The following GALNT18 variants were observed in gnomAD, a reference collection of about 807,000 sequenced individuals.
GALNT18 encodes GalNAc-transferase 18.
GALNT18 carries 44 observed loss-of-function variants against 69.5 expected under a neutral mutation model. That is an observed-to-expected ratio of 0.63 (90% CI 0.50 to 0.81). GALNT18 has a LOEUF of 0.81. Ranked by LOEUF, GALNT18 falls within the 40% of genes least tolerant of loss-of-function variation. The probability of loss-of-function intolerance (pLI) is 0.00; values close to 1 mark genes in which losing one functional copy is unlikely to be tolerated. For synonymous variants in GALNT18, 364 were observed against 318.2 expected, an observed-to-expected ratio of 1.14 and a Z score of -1.53; for missense variants, 715 against 810.0, an observed-to-expected ratio of 0.88 and a Z score of 1.42.
At chr11:11,367,715 A>G (rs1850803755) in intron 6 of GALNT18, among the ~76,000 whole-genome samples, 2 of 152,242 alleles carry the variant, frequency 1.3e-5, no homozygotes, top group South Asian at 4.1e-4. Flanking sequence ...AATTTAAAGC[A>G]TAATAAATAG....
In GALNT18 at chr11:11,421,923, C is replaced by T. The variant is rs937858904; in HGVS notation, c.595+10698G>A. Among the ~76,000 whole-genome samples, 6 of 152,238 alleles carry T rather than the reference C, an allele frequency of 3.9e-5. No individual in the cohort carries two copies. The highest frequency in any genetic ancestry group is 7.3e-5 in the Non-Finnish European group (5 of 68,038). On this transcript the variant is annotated intron_variant, in intron 3 of 10. Coordinates refer to ENST00000227756, the MANE Select transcript of GALNT18 (RefSeq NM_198516.3). The surrounding 1 kb of genome is among the most constrained non-coding windows in gnomAD (Gnocchi z 5.6). ...AGCACAGACTTTATTTTAGCCCCTACGTGCCCCTGGCCTGGGTGCCCTGGC... is the reference window on the plus strand; with the variant it reads ...AGCACAGACTTTATTTTAGCCCCTATGTGCCCCTGGCCTGGGTGCCCTGGC...
chr11:11,617,532 A>G lies in GALNT18; in HGVS notation c.235+3827T>C, dbSNP rs1227507179. ...TGAACAAAGCAGAATATAAAATTAC[A>G]TGTAAATCATGACTACACCTTCATT... On this transcript the variant is annotated intron_variant, in intron 1 of 10. Coordinates refer to ENST00000227756, the MANE Select transcript of GALNT18 (RefSeq NM_198516.3). The surrounding 1 kb of genome is among the most constrained non-coding windows in gnomAD (Gnocchi z 4.7). 6.6e-6 allele frequency among the ~76,000 whole-genome samples: 1 copy of G among 152,256 alleles called. No individual in the cohort carries two copies. The highest frequency in any genetic ancestry group is 1.5e-5 in the Non-Finnish European group (1 of 68,042).
chr11:11,444,686 A>T lies in GALNT18; in HGVS notation c.428+4058T>A, dbSNP rs1337829228. Among the ~76,000 whole-genome samples the T allele has an allele frequency of 6.6e-6, 1 of 152,174 alleles. No homozygotes were observed. Among genetic ancestry groups the T allele is most frequent in the African/African-American group, 2.4e-5 (1 of 41,450 alleles). ...GGAGACAAAGTAAGTGACTAGCTAG[A>T]GGTGAGAGAAAGGAGGGTGGGCAGG... On this transcript the variant is annotated intron_variant, in intron 2 of 10. Transcript: ENST00000227756. The surrounding 1 kb of genome is among the most constrained non-coding windows in gnomAD (Gnocchi z 4.4).
intron 1 of GALNT18, among the ~76,000 whole-genome samples, chr11:11,514,561 C>T (rs566677258): frequency 7.9e-5 from 12 of 152,328 alleles, no homozygotes; most frequent in East Asian, 7.7e-4. Context: ...TGTCACCCAT[C>T]GGATTGCAGC....
rs944890433 is a variant in GALNT18 at position 11,309,267 on chromosome 11, T to C, written c.1513-16074A>G. ...TTGGCCTTCCCAGCTTCCATAGCCA[T>C]GAGCTGATGAATTTCTCTTCATTAT... On this transcript the variant is annotated intron_variant, in intron 9 of 10. Coordinates refer to ENST00000227756, the MANE Select transcript of GALNT18 (RefSeq NM_198516.3). The surrounding 1 kb of genome is among the most constrained non-coding windows in gnomAD (Gnocchi z 4.6). Among the ~76,000 whole-genome samples the C allele has an allele frequency of 6.6e-6, 1 of 152,180 alleles. No individual in the cohort carries two copies. The highest frequency in any genetic ancestry group is 2.4e-5 in the African/African-American group (1 of 41,460).
At chr11:11,329,063 C>G (rs1208350596) in intron 8 of GALNT18, among the ~76,000 whole-genome samples, 1 of 150,948 alleles carries the variant, frequency 6.6e-6, no homozygotes, top group Middle Eastern at 3.4e-3. Flanking sequence ...AAACCTGGCT[C>G]CAGCTGAGGG....
chr11:11,385,463 T>G (rs1043556751), intron 3 of GALNT18, among the ~76,000 whole-genome samples: 4 of 151,956 alleles, frequency 2.6e-5, no homozygotes, highest in Non-Finnish European at 5.9e-5. Flanking sequence ...ATCCGGCTAA[T>G]TTTTTGTATT....
chr11:11,332,769 G>A lies in GALNT18; in HGVS notation c.1341C>T (p.Cys447=). The A allele has an allele frequency of 6.2e-7, 1 of 1,614,060 alleles. No individual in the cohort carries two copies. The highest frequency in any genetic ancestry group is 8.5e-7 in the Non-Finnish European group (1 of 1,179,966). The change falls in exon 8 of 11, where the codon TGC becomes TGT. Residue 447 remains cysteine, a synonymous_variant. Coordinates refer to ENST00000227756, the MANE Select transcript of GALNT18 (RefSeq NM_198516.3). The surrounding 1 kb of genome is among the most constrained non-coding windows in gnomAD (Gnocchi z 4.3). The part of the protein sequence containing the change: ...ARKALRKQLQ[C]KTFRWYLVSV... ...TGACCAGGTACCACCGGAAGGTCTT[G>A]CACTGCAGCTGTTTCCTGAGAGCCT...
In GALNT18 at chr11:11,379,219, C is replaced by A; in HGVS notation, c.641G>T (p.Ser214Ile). The A allele has an allele frequency of 6.2e-7, 1 of 1,613,236 alleles. No individual in the cohort carries two copies. Among genetic ancestry groups the A allele is most frequent in the Non-Finnish European group, 8.5e-7 (1 of 1,179,984 alleles). Residue 214 changes from serine (S) to isoleucine (I), a missense_variant, in exon 4 of 11, where the codon AGC becomes ATC. Coordinates refer to ENST00000227756, the MANE Select transcript of GALNT18 (RefSeq NM_198516.3). ...KLTEYVDKVN[S>I]QKPGFIKVVR... Reference sequence around the variant, plus strand: ...GACTTTGATGAAGCCTGGCTTCTGGCTGTTCACCTTGTCCACATATTCGGT... The same window carrying A: ...GACTTTGATGAAGCCTGGCTTCTGGATGTTCACCTTGTCCACATATTCGGT...
intron 1 of GALNT18, among the ~76,000 whole-genome samples, chr11:11,513,873 C>T (rs982640764): frequency 6.6e-6 from 1 of 152,134 alleles, no homozygotes; most frequent in African/African-American, 2.4e-5. Context: ...TAGGCAGCTA[C>T]AGGGAACTCA....
intron 6 of GALNT18, among the ~76,000 whole-genome samples, chr11:11,350,271 CT>C (rs1850376010): frequency 6.6e-6 from 1 of 152,232 alleles, no homozygotes; most frequent in Non-Finnish European, 1.5e-5. Context: ...GGGGGCCTGG[CT>C]TTTCCTTGGA....
At position 11,620,142 on chromosome 11, in the gene GALNT18, G is replaced by A. The variant is rs919387416; in HGVS notation, c.235+1217C>T. Among the ~76,000 whole-genome samples the A allele has an allele frequency of 2.0e-5, 3 of 151,218 alleles. No individual in the cohort carries two copies. ...AAAAGGGAGTGCTCCTGGCGGGGGG[G>A]TGGGGGGTAAGCCTTCAGTTCAATT... On this transcript the variant is annotated intron_variant, in intron 1 of 10. Coordinates refer to ENST00000227756, the MANE Select transcript of GALNT18 (RefSeq NM_198516.3). This position sits in a 1 kb window ranked among gnomAD's most constrained non-coding sequence, Gnocchi z 6.9.
At chr11:11,498,769 A>G (rs1856917588) in intron 1 of GALNT18, among the ~76,000 whole-genome samples, 1 of 152,238 alleles carries the variant, frequency 6.6e-6, no homozygotes, top group Non-Finnish European at 1.5e-5. Flanking sequence ...ACTGCACTCC[A>G]GCCTGGGCAA....
chr11:11,385,779 C>A (rs564175184), intron 3 of GALNT18, among the ~76,000 whole-genome samples: 1 of 152,088 alleles, frequency 6.6e-6, no homozygotes, highest in African/African-American at 2.4e-5. Context: ...AATTCATATG[C>A]TGAAATCTGA....
At chr11:11,516,600 T>C (rs7946349) in intron 1 of GALNT18, among the ~76,000 whole-genome samples, 23,854 of 152,084 alleles carry the variant, frequency 0.16, 2,068 homozygotes, top group South Asian at 0.22. Flanking sequence ...CATTGAACTC[T>C]AGTCTGGGCA....
intron 10 of GALNT18, among the ~76,000 whole-genome samples, chr11:11,275,845 A>ATG (rs1848932614): frequency 6.6e-6 from 1 of 151,994 alleles, no homozygotes; most frequent in Non-Finnish European, 1.5e-5. Context: ...ATTGTTGTAG[A>ATG]TGTGTGGTGT....
At chr11:11,392,263 G>T (rs546410262) in intron 3 of GALNT18, among the ~76,000 whole-genome samples, 1 of 152,156 alleles carries the variant, frequency 6.6e-6, no homozygotes, top group African/African-American at 2.4e-5. Flanking sequence ...CTCATATAAA[G>T]GTTTTGAGGA....
intron 1 of GALNT18, among the ~76,000 whole-genome samples, chr11:11,612,378 C>T (rs188690440): frequency 8.5e-5 from 13 of 152,314 alleles, no homozygotes; most frequent in African/African-American, 3.1e-4. Flanking sequence ...TCTCTATATG[C>T]CTGTTGCTCT....
intron 6 of GALNT18, among the ~76,000 whole-genome samples, chr11:11,361,578 G>T (rs543987757): frequency 2.0e-5 from 3 of 152,140 alleles, no homozygotes; most frequent in Non-Finnish European, 4.4e-5. Context: ...GGAGCTCACT[G>T]TATCATTAGC....
Sources: allele counts gnomAD v4.1 joint callset (sites outside exome capture counted in the v4.1 genomes callset), GRCh38; gene constraint gnomAD v4.1.1; non-coding constraint Gnocchi (gnomAD v3.1); transcripts MANE v1.5; gene names NCBI Gene and HGNC (gene_info 2026-07-23, HGNC 2026-07-21).